The following DUSP15 variants were observed in gnomAD, a reference collection of about 807,000 sequenced individuals.
DUSP15 encodes the protein dual specificity protein phosphatase 15.
A neutral mutation model predicts 26.3 loss-of-function variants in DUSP15; 23 were observed. The ratio of observed to expected loss-of-function variants is 0.87; its 90% CI spans 0.63 to 1.24. The LOEUF is 1.24. Among genes scored for constraint, DUSP15 ranks in the 50% most tolerant of loss-of-function variants. DUSP15 has a pLI of 0.00. For missense variants in DUSP15, 364 were observed against 320.6 expected (o/e 1.14, Z -1.03); for synonymous variants, 143 against 135.5 (o/e 1.06, Z -0.39).
rs1045523078 is a variant in DUSP15 at position 31,863,066 on chromosome 20, C to T, written c.264-324G>A. 7.1e-4 allele frequency among the ~76,000 whole-genome samples: 80 copies of T among 112,978 alleles called. 1 individual carries two copies. Among genetic ancestry groups the T allele is most frequent in the African/African-American group, 3.0e-3 (78 of 25,978 alleles). The allele number at this position is 112,978 out of a possible 152,430, so 74.1% of individuals were successfully genotyped here. The stretch of plus-strand genomic sequence containing the variant: ...ATGGTCTTTGCTGTCCTGGAGCTTA[C>T]AGTATGGCTGGGGGGGGGGGACAGA... On this transcript the variant is annotated intron_variant, in intron 5 of 6. Transcript: ENST00000339738.
Position 31,861,129 on chromosome 20 carries a change from C to T in DUSP15, c.*274G>A. On this transcript the variant is annotated 3_prime_UTR_variant, in exon 7 of 7. Transcript: ENST00000339738. The stretch of plus-strand genomic sequence containing the variant: ...AGGCCCGTCAAACCCTCCACTCTCC[C>T]TCCCTCCCCTCCCGCCGCCTTTAAG... 7.6e-7 allele frequency: 1 copy of T among 1,315,056 alleles called. No homozygotes were observed. The highest frequency in any genetic ancestry group is 9.6e-7 in the Non-Finnish European group (1 of 1,037,518). 81.5% of individuals were successfully genotyped at this position (1,315,056 alleles called of 1,614,324 possible). A position where few individuals can be genotyped will look rare whatever the true frequency, so the allele number is the denominator to read the frequency against.
intron 6 of DUSP15, among the ~76,000 whole-genome samples, chr20:31,850,932 G>A (rs1334255202): frequency 6.6e-6 from 1 of 152,208 alleles, no homozygotes; most frequent in African/African-American, 2.4e-5. Context: ...GAGGGTGGGA[G>A]AGGAGGCCTG....
chr20:31,846,475 A>AGAGAGG (rs71274237), downstream of DUSP15, among the ~76,000 whole-genome samples: 262 of 79,654 alleles, frequency 3.3e-3, 1 homozygote, highest in African/African-American at 0.015. Context: ...AGAGAGAGAG[A>AGAGAGG]GGAGAGAGAG....
At chr20:31,856,055 C>T (rs2062556697) in intron 6 of DUSP15, among the ~76,000 whole-genome samples, 2 of 152,284 alleles carry the variant, frequency 1.3e-5, no homozygotes, top group South Asian at 4.1e-4. Context: ...ACAGTATACA[C>T]TGAACCCAAT....
At chr20:31,848,084 C>T (rs6060994) in exon 10 of DUSP15, 16,442 of 317,314 alleles carry the variant, frequency 0.052, 2,486 homozygotes, top group African/African-American at 0.32. Flanking sequence ...GACTCAACAG[C>T]AGGTTAAGGC....
At chr20:31,849,817 C>G (rs1252384766) in exon 8 of DUSP15, 1 of 1,528,650 alleles carries the variant, frequency 6.5e-7, no homozygotes, top group African/African-American at 1.4e-5. Context: ...GGGCTGTGCG[C>G]CCGGTGGCTT....
In DUSP15 at chr20:31,861,550, C is replaced by G. The variant is rs181315795; in HGVS notation, c.561G>C (p.Gly187=). 2.6e-4 allele frequency: 393 copies of G among 1,506,182 alleles called. 2 individuals carry two copies. In the African/African-American group the frequency reaches 5.1e-3, roughly 20 times the overall value. The allele number at this position is 1,506,182 out of a possible 1,614,324, so 93.3% of individuals were successfully genotyped here. The change falls in exon 7 of 7, where the codon GGG becomes GGC. Residue 187 remains glycine, a synonymous_variant. Transcript: ENST00000339738. The part of the protein sequence containing the change: ...QGSATSASSA[G]PHSAASEGTV... The stretch of plus-strand genomic sequence containing the variant: ...TTCCCTCGGAGGCTGCTGAGTGCGG[C>G]CCGGCGGAGGAGGCCGAGGTCGCGG...
Position 31,861,078 on chromosome 20 carries a change from T to G in DUSP15, c.*325A>C, listed in dbSNP as rs1323120323. On this transcript the variant is annotated 3_prime_UTR_variant, in exon 7 of 7. Coordinates refer to ENST00000339738, the MANE Select transcript of DUSP15 (RefSeq NM_080611.5). ...CTGGGAGGCACTCGGACAGGCAGCTTCTTCTGTGTCTCTTTAATACCCTCC... is the reference window on the plus strand; with the variant it reads ...CTGGGAGGCACTCGGACAGGCAGCTGCTTCTGTGTCTCTTTAATACCCTCC... 3 of 1,160,860 alleles carry G rather than the reference T, an allele frequency of 2.6e-6. No homozygotes were observed. Among genetic ancestry groups the G allele is most frequent in the Non-Finnish European group, 2.1e-6 (2 of 942,844 alleles). 71.9% of individuals were successfully genotyped at this position (1,160,860 alleles called of 1,614,324 possible). A position where few individuals can be genotyped will look rare whatever the true frequency, so the allele number is the denominator to read the frequency against.
intron 2 of DUSP15, among the ~76,000 whole-genome samples, chr20:31,867,528 T>C (rs1027099549): frequency 1.3e-5 from 2 of 152,034 alleles, no homozygotes; most frequent in Non-Finnish European, 2.9e-5. Context: ...AACCTGGTGT[T>C]CATTAAAAAG....
chr20:31,867,034 CA>C, intron 3 of DUSP15, 36 bp downstream of exon 3: 1 of 1,540,748 alleles, frequency 6.5e-7, no homozygotes, highest in South Asian at 1.2e-5. Context: ...TGCACCCTCC[CA>C]CCCCCGCATA....
intron 7 of DUSP15, chr20:31,850,470 T>C: frequency 1.2e-6 from 1 of 847,810 alleles, no homozygotes; most frequent in Non-Finnish European, 1.9e-6. Context: ...AACTAAGCCC[T>C]CAGGAAATGT....
intron 6 of DUSP15, among the ~76,000 whole-genome samples, chr20:31,853,887 AG>A (rs2062516096): frequency 6.6e-6 from 1 of 152,138 alleles, no homozygotes; most frequent in Non-Finnish European, 1.5e-5. Flanking sequence ...TACAGGTGTG[AG>A]TTACCGTGCC....
chr20:31,855,635 CTG>C (rs1329146190), intron 6 of DUSP15, among the ~76,000 whole-genome samples: 3 of 152,192 alleles, frequency 2.0e-5, no homozygotes, highest in African/African-American at 4.8e-5. Context: ...TCTCTTGCCT[CTG>C]AACAACAATG....
downstream of DUSP15, among the ~76,000 whole-genome samples, chr20:31,858,141 T>C (rs1430194213): frequency 3.3e-5 from 5 of 152,332 alleles, no homozygotes; most frequent in East Asian, 9.6e-4. The surrounding 1 kb of genome is among the most constrained non-coding windows in gnomAD (Gnocchi z 4.4). Flanking sequence ...CCTGTCCCCT[T>C]GCCCTGAAGA....
chr20:31,867,644 T>TTTG (rs2062801250), intron 2 of DUSP15, among the ~76,000 whole-genome samples: 2 of 133,976 alleles, frequency 1.5e-5, no homozygotes, highest in Non-Finnish European at 3.2e-5. Flanking sequence ...TTTTTTTTTT[T>TTTG]TTTTTTTTTT....
Position 31,865,012 on chromosome 20 carries a change from C to G in DUSP15, c.139-10G>C, listed in dbSNP as rs775636114. 6 of 1,613,944 alleles carry G rather than the reference C, an allele frequency of 3.7e-6. No individual in the cohort carries two copies. Among genetic ancestry groups the G allele is most frequent in the Non-Finnish European group, 2.5e-6 (3 of 1,180,000 alleles). ...GAAGGTAGGTGATATCCTGCAAGTA[C>G]AAAATACACTCAGGCAGGGGACCTT... On this transcript the variant is annotated splice_polypyrimidine_tract_variant and intron_variant, in intron 3 of 6. Transcript: ENST00000339738.
intron 3 of DUSP15, among the ~76,000 whole-genome samples, chr20:31,865,785 C>T (rs146910996): frequency 6.6e-5 from 10 of 152,304 alleles, no homozygotes; most frequent in Non-Finnish European, 7.3e-5. Flanking sequence ...CTTTGCAACA[C>T]ATTTGGCCTT....
downstream of DUSP15, among the ~76,000 whole-genome samples, chr20:31,856,200 A>C (rs2062559171): frequency 6.6e-6 from 1 of 152,252 alleles, no homozygotes; most frequent in African/African-American, 2.4e-5. Flanking sequence ...GCATGTGCAA[A>C]GGTTTAACGG....
At chr20:31,856,833 C>T (rs1302482615), downstream of DUSP15, among the ~76,000 whole-genome samples, 1 of 151,644 alleles carries the variant, frequency 6.6e-6, no homozygotes, top group African/African-American at 2.4e-5. Flanking sequence ...TGCTGGGAGC[C>T]CCAGTAGAGG....
Sources: gnomAD v4.1 joint callset for allele counts (sites outside exome capture counted in the v4.1 genomes callset) on GRCh38, gnomAD v4.1.1 for gene constraint, Gnocchi (gnomAD v3.1) non-coding constraint, MANE v1.5 for transcripts, NCBI Gene and HGNC (gene_info 2026-07-23, HGNC 2026-07-21) for gene names.